Variants in DYNC1H1 observed in about 807,000 individuals in gnomAD.
DYNC1H1 encodes the protein dynein cytoplasmic 1 heavy chain 1.
Under a neutral mutation model 527.1 loss-of-function variants are expected in DYNC1H1, and 51 were observed. The ratio of observed to expected loss-of-function variants is 0.10; its 90% CI spans 0.08 to 0.12. The LOEUF is 0.12. Ranked by LOEUF, DYNC1H1 falls within the 10% of genes least tolerant of loss-of-function variation. The probability of loss-of-function intolerance (pLI) is 1.00; values close to 1 mark genes in which losing one functional copy is unlikely to be tolerated. For missense variants in DYNC1H1, 2,771 were observed against 5,971.8 expected (o/e 0.46, Z 17.66); for synonymous variants, 2,189 against 2,278.8 (o/e 0.96, Z 1.12).
rs770798340 is a variant in DYNC1H1 at position 102,043,859 on chromosome 14, T to C, written c.12514-16T>C. Reference sequence around the variant, plus strand: ...TGTTTTCTAATGACTCTGTGCTTGGTCACTTTCCTCACCAGTCTCCCAACG... The same window carrying C: ...TGTTTTCTAATGACTCTGTGCTTGGCCACTTTCCTCACCAGTCTCCCAACG... On this transcript the variant is annotated splice_polypyrimidine_tract_variant and intron_variant, in intron 69 of 77. Transcript: ENST00000360184. 39 of 1,614,082 alleles carry C rather than the reference T, an allele frequency of 2.4e-5. No individual in the cohort carries two copies. The highest frequency in any genetic ancestry group is 8.8e-5 in the South Asian group (8 of 91,086).
intron 16 of DYNC1H1, among the ~76,000 whole-genome samples, chr14:101,999,057 AT>A (rs1332108228): frequency 1.5e-4 from 22 of 151,318 alleles, no homozygotes; most frequent in Non-Finnish European, 2.7e-4. Flanking sequence ...AATTGTTTGT[AT>A]TTTTTAGTAG....
Position 102,001,124 on chromosome 14 carries a change from C to G in DYNC1H1, c.4186-21C>G. On this transcript the variant is annotated intron_variant, in intron 19 of 77. Coordinates refer to ENST00000360184, the MANE Select transcript of DYNC1H1 (RefSeq NM_001376.5). This position sits in a 1 kb window ranked among gnomAD's most constrained non-coding sequence, Gnocchi z 5.0. ...ATTAGAAACGCACCTGCACAGATCA[C>G]TTTGTTTACTTTCTCCACAGATAAA... The G allele has an allele frequency of 1.2e-6, 2 of 1,614,190 alleles. No homozygotes were observed. The highest frequency in any genetic ancestry group is 1.7e-6 in the Non-Finnish European group (2 of 1,180,030).
chr14:102,008,167 C>T lies in DYNC1H1; in HGVS notation c.5818-11C>T, dbSNP rs749338099. On this transcript the variant is annotated splice_polypyrimidine_tract_variant and intron_variant, in intron 28 of 77. Transcript: ENST00000360184. ...AGGTGGTTTTAGCGCCTTTCTTCCTCTCCTTTCCAGGCAATGGGCCGGATC... is the reference window on the plus strand; with the variant it reads ...AGGTGGTTTTAGCGCCTTTCTTCCTTTCCTTTCCAGGCAATGGGCCGGATC... 3 of 1,613,816 alleles carry T rather than the reference C, an allele frequency of 1.9e-6. No individual in the cohort carries two copies. In the African/African-American group the frequency reaches 4.0e-5, roughly 22 times the overall value.
Position 102,030,216 on chromosome 14 carries a change from GACAA to G in DYNC1H1, c.9821_9824del (p.Lys3274ArgfsTer2). The G allele has an allele frequency of 6.2e-7, 1 of 1,614,186 alleles. No homozygotes were observed. Among genetic ancestry groups the G allele is most frequent in the Non-Finnish European group, 8.5e-7 (1 of 1,180,032 alleles). On this transcript the variant is annotated frameshift_variant, in exon 51 of 78. Transcript: ENST00000360184. LOFTEE classifies it high-confidence loss of function. ...GCATAAGCAGCAGGAGGTAATTGCAGACAAACAGATGAGTGTCAAAGAAGATCTT... is the reference window on the plus strand; with the variant it reads ...GCATAAGCAGCAGGAGGTAATTGCAGACAGATGAGTGTCAAAGAAGATCTT...
In DYNC1H1 at chr14:101,980,348, T is replaced by C. The variant is rs375164712; in HGVS notation, c.775-16T>C. 1 of 1,613,660 alleles carries C rather than the reference T, an allele frequency of 6.2e-7. No homozygotes were observed. Among genetic ancestry groups the C allele is most frequent in the African/African-American group, 1.3e-5 (1 of 74,938 alleles). ...TTAAATAGTGAATACCCTTGGGTGT[T>C]ATTTTATTTTCAAAGGTGACCAAAC... On this transcript the variant is annotated splice_polypyrimidine_tract_variant and intron_variant, in intron 4 of 77. Transcript: ENST00000360184.
chr14:102,040,584 T>G lies in DYNC1H1; in HGVS notation c.11866-14T>G, dbSNP rs762051223. 1 of 1,614,172 alleles carries G rather than the reference T, an allele frequency of 6.2e-7. No individual in the cohort carries two copies. ...AGCCCTGCTCCATGGGTGCTTCCAC[T>G]ATTGTCTCCACAGCAATTTGGCATC... On this transcript the variant is annotated splice_polypyrimidine_tract_variant and intron_variant, in intron 63 of 77. Coordinates refer to ENST00000360184, the MANE Select transcript of DYNC1H1 (RefSeq NM_001376.5).
chr14:101,986,602 G>C lies in DYNC1H1; in HGVS notation c.2377G>C (p.Glu793Gln). Residue 793 changes from glutamate to glutamine, a missense_variant, in exon 8 of 78, where the codon GAG (glutamate) becomes CAG (glutamine). Around this residue, in one of 32 missense-constraint regions of DYNC1H1, gnomAD observed 264 missense variants for 619.4 expected, o/e 0.43. Transcript: ENST00000360184. This position sits in a 1 kb window ranked among gnomAD's most constrained non-coding sequence, Gnocchi z 8.7. Reference protein sequence around the residue: ...ESVRTYERTCEKVEERNTISL... With the variant: ...ESVRTYERTCQKVEERNTISL... ...CGTTCGTACCTATGAACGGACCTGC[G>C]AGAAGGTGGAGGAGCGGAACACCAT... 1.9e-6 allele frequency: 3 copies of C among 1,613,346 alleles called. No individual in the cohort carries two copies. Among genetic ancestry groups the C allele is most frequent in the Non-Finnish European group, 2.5e-6 (3 of 1,179,360 alleles).
At chr14:102,003,672 G>A (rs1326642743) in intron 23 of DYNC1H1, among the ~76,000 whole-genome samples, 7 of 152,170 alleles carry the variant, frequency 4.6e-5, no homozygotes, top group African/African-American at 1.7e-4. Context: ...GCTCACGCCT[G>A]TAATCCCAGC....
chr14:102,043,745 CAT>C, intron 69 of DYNC1H1, 128 bp from the exon 70 acceptor site: 1 of 1,256,544 alleles, frequency 8.0e-7, no homozygotes, highest in South Asian at 1.3e-5. Context: ...CAGCAGTACT[CAT>C]GTGAATCTGC....
In DYNC1H1 at chr14:101,994,665, A is replaced by G; in HGVS notation, c.3157-8A>G. 2 of 1,614,062 alleles carry G rather than the reference A, an allele frequency of 1.2e-6. No homozygotes were observed. Among genetic ancestry groups the G allele is most frequent in the Non-Finnish European group, 1.7e-6 (2 of 1,180,018 alleles). On this transcript the variant is annotated splice_polypyrimidine_tract_variant and splice_region_variant and intron_variant, in intron 12 of 77. Transcript: ENST00000360184. The stretch of plus-strand genomic sequence containing the variant: ...AAACTATTATTTAACTGTGTTCTTC[A>G]TTTGCAGGTTTGGCTTCAGTATCAG...
intron 27 of DYNC1H1, 67 bp from the exon 28 acceptor site, chr14:102,006,941 T>G: frequency 6.4e-7 from 1 of 1,555,448 alleles, no homozygotes; most frequent in Non-Finnish European, 8.9e-7. Context: ...TGTAGTTCTT[T>G]TAAAGCTAAA....
At chr14:102,013,476 C>G (rs2048283443) in intron 34 of DYNC1H1, among the ~76,000 whole-genome samples, 1 of 151,224 alleles carries the variant, frequency 6.6e-6, no homozygotes, top group African/African-American at 2.4e-5. Context: ...CCCAAGTATT[C>G]TGGGCAAAGG....
chr14:102,028,076 C>A lies in DYNC1H1; in HGVS notation c.9403C>A (p.Gln3135Lys), dbSNP rs1049866462. ...GCCAGTTGTGTATGATAAGCTGCCG[C>A]AGCCACCATCCCATCGGGAAGCCAT... ...YMPVVYDKLP[Q>K]PPSHREAIVN... is the part of the protein sequence containing the mutation. Residue 3135 changes from glutamine (Q) to lysine (K), a missense_variant, in exon 48 of 78, where the codon CAG becomes AAG. By Grantham distance (53) the Gln-to-Lys change is moderately conservative. Transcript: ENST00000360184. 5.6e-6 allele frequency: 9 copies of A among 1,614,090 alleles called. No homozygotes were observed. The highest frequency in any genetic ancestry group is 6.8e-6 in the Non-Finnish European group (8 of 1,180,042).
chr14:102,042,637 G>A lies in DYNC1H1; in HGVS notation c.12402G>A (p.Val4134=). 3 of 1,614,176 alleles carry A rather than the reference G, an allele frequency of 1.9e-6. No individual in the cohort carries two copies. Among genetic ancestry groups the A allele is most frequent in the South Asian group, 1.1e-5 (1 of 91,088 alleles). ...ACTGGAACGGCGCTCTCCCTTAGGT[G>A]CCTGTGAATCTGCTCCGTGCGGGCC... ...LFLTMEINPK[V]PVNLLRAGRI... is the part of the protein sequence containing the mutation. The change falls in exon 69 of 78, where the codon GTG becomes GTA. Residue 4134 remains valine, a splice_region_variant and synonymous_variant. Coordinates refer to ENST00000360184, the MANE Select transcript of DYNC1H1 (RefSeq NM_001376.5). The surrounding 1 kb of genome is among the most constrained non-coding windows in gnomAD (Gnocchi z 5.7).
At chr14:101,993,143 T>G (rs553757823) in intron 11 of DYNC1H1, among the ~76,000 whole-genome samples, 2 of 152,174 alleles carry the variant, frequency 1.3e-5, no homozygotes, top group African/African-American at 4.8e-5. Flanking sequence ...CCTCAGTCTT[T>G]CACTTCTCAT....
chr14:102,012,229 C>A lies in DYNC1H1; in HGVS notation c.6858-85C>A. On this transcript the variant is annotated intron_variant, in intron 33 of 77. Coordinates refer to ENST00000360184, the MANE Select transcript of DYNC1H1 (RefSeq NM_001376.5). The surrounding 1 kb of genome is among the most constrained non-coding windows in gnomAD (Gnocchi z 4.9). ...ACCAAAGTCTGAGCAAATTAAAGGTCATTTCAGAAACCATCATCGGTAAAC... is the reference window on the plus strand; with the variant it reads ...ACCAAAGTCTGAGCAAATTAAAGGTAATTTCAGAAACCATCATCGGTAAAC... 2 of 1,612,286 alleles carry A rather than the reference C, an allele frequency of 1.2e-6. No individual in the cohort carries two copies. The highest frequency in any genetic ancestry group is 2.2e-5 in the South Asian group (2 of 90,860).
intron 43 of DYNC1H1, among the ~76,000 whole-genome samples, chr14:102,025,689 G>A (rs1356667105): frequency 6.6e-6 from 1 of 152,018 alleles, no homozygotes; most frequent in Non-Finnish European, 1.5e-5. Flanking sequence ...CATTATCCCA[G>A]CAAAGTTTAT....
Position 102,010,229 on chromosome 14 carries a change from T to C in DYNC1H1, c.6222-47T>C, listed in dbSNP as rs979172566. On this transcript the variant is annotated intron_variant, in intron 30 of 77. Transcript: ENST00000360184. This position sits in a 1 kb window ranked among gnomAD's most constrained non-coding sequence, Gnocchi z 6.0. ...TCTTGACACTTGACCCTATTATTGC[T>C]TAAAGTATACTGTTATTAAAGATAG... The C allele has an allele frequency of 6.2e-7, 1 of 1,613,352 alleles. No homozygotes were observed. Among genetic ancestry groups the C allele is most frequent in the African/African-American group, 1.3e-5 (1 of 74,844 alleles).
At chr14:102,003,093 A>C in intron 23 of DYNC1H1, 128 bp downstream of exon 23, 1 of 1,219,360 alleles carries the variant, frequency 8.2e-7, no homozygotes, top group Non-Finnish European at 1.2e-6. Flanking sequence ...TTAGCCAATA[A>C]TACATATAAT....
Sources: gnomAD v4.1 joint callset for allele counts (sites outside exome capture counted in the v4.1 genomes callset) on GRCh38, gnomAD v4.1.1 for gene constraint, gnomAD v4.1.1 regional missense constraint, Gnocchi (gnomAD v3.1) non-coding constraint, MANE v1.5 for transcripts, NCBI Gene and HGNC (gene_info 2026-07-23, HGNC 2026-07-21) for gene names.